AKR1C4: variants seen among roughly 807,000 people sequenced by gnomAD.
AKR1C4 encodes aldo-keto reductase family 1 member C4.
Under a neutral mutation model 41.0 loss-of-function variants are expected in AKR1C4, and 44 were observed. That is an observed-to-expected ratio of 1.07 (90% confidence interval 0.84 to 1.38). The LOEUF is 1.38. AKR1C4 is among the 40% of genes most tolerant of loss of function. The probability of loss-of-function intolerance (pLI) is 0.00; values close to 1 mark genes in which losing one functional copy is unlikely to be tolerated. For missense variants in AKR1C4, 438 were observed against 387.9 expected (o/e 1.13, Z -1.09); for synonymous variants, 165 against 137.7 (o/e 1.20, Z -1.39).
chr10:5,198,334 C>G (rs1395744624), intron 1 of AKR1C4, among the ~76,000 whole-genome samples: 2 of 152,124 alleles, frequency 1.3e-5, no homozygotes, highest in Admixed American at 1.3e-4. Flanking sequence ...CGCCTGTTTT[C>G]AAAGTTGGAG....
intron 5 of AKR1C4, among the ~76,000 whole-genome samples, chr10:5,210,811 C>T (rs1051359940): frequency 6.6e-6 from 1 of 152,304 alleles, no homozygotes; most frequent in East Asian, 1.9e-4. Context: ...AGGGTTTCAC[C>T]ATGTTGGTCA....
intron 5 of AKR1C4, among the ~76,000 whole-genome samples, chr10:5,209,789 C>T (rs782426650): frequency 1.6e-4 from 25 of 152,170 alleles, no homozygotes; most frequent in South Asian, 6.2e-4. Context: ...CCCACCAGGT[C>T]CCTCCCACAA....
At chr10:5,214,517 TGAGACTTCC>T (rs1832626064) in intron 7 of AKR1C4, among the ~76,000 whole-genome samples, 1 of 152,214 alleles carries the variant, frequency 6.6e-6, no homozygotes, top group Non-Finnish European at 1.5e-5. Context: ...GAGAACTGAT[TGAGACTTCC>T]AGTTTACGAC....
intron 2 of AKR1C4, among the ~76,000 whole-genome samples, chr10:5,203,990 C>T (rs1832443799): frequency 6.6e-6 from 1 of 152,116 alleles, no homozygotes; most frequent in Non-Finnish European, 1.5e-5. Context: ...TGAATGATTG[C>T]TCAACACATG....
At chr10:5,218,029 G>A (rs1448874264) in intron 8 of AKR1C4, among the ~76,000 whole-genome samples, 2 of 152,100 alleles carry the variant, frequency 1.3e-5, no homozygotes, top group Non-Finnish European at 2.9e-5. Flanking sequence ...TAGTTTAGAG[G>A]AAAATAGTAA....
chr10:5,216,194 G>A (rs921115471), intron 7 of AKR1C4, among the ~76,000 whole-genome samples: 1 of 152,310 alleles, frequency 6.6e-6, no homozygotes, highest in South Asian at 2.1e-4. Context: ...TTTTAAACCA[G>A]ATTTCATGTG....
intron 2 of AKR1C4, among the ~76,000 whole-genome samples, chr10:5,201,865 G>T (rs1175858615): frequency 6.6e-6 from 1 of 152,044 alleles, no homozygotes; most frequent in Non-Finnish European, 1.5e-5. Flanking sequence ...ATTGAATAGG[G>T]TTATTTTCCC....
chr10:5,202,900 C>T (rs1456849799), intron 2 of AKR1C4, among the ~76,000 whole-genome samples: 2 of 147,464 alleles, frequency 1.4e-5, no homozygotes, highest in Non-Finnish European at 3.0e-5. Flanking sequence ...AGGATTTTTA[C>T]ATCTGTATTC....
Position 5,204,640 on chromosome 10 carries a change from G to A in AKR1C4, c.369+147G>A, listed in dbSNP as rs782231900. ...ATAATGCCTAAGCCATTTTCTTGAA[G>A]AGTACAACCTTCCTTCTGTAACGTA... On this transcript the variant is annotated intron_variant, in intron 3 of 8. Coordinates refer to ENST00000263126, the MANE Select transcript of AKR1C4 (RefSeq NM_001818.5). 6.5e-6 allele frequency: 5 copies of A among 773,506 alleles called. No individual in the cohort carries two copies. The Admixed American group carries it at 6.8e-5, about 11-fold the overall frequency. 47.9% of individuals were successfully genotyped at this position (773,506 alleles called of 1,614,324 possible). A position where few individuals can be genotyped will look rare whatever the true frequency, so the allele number is the denominator to read the frequency against.
intron 4 of AKR1C4, 145 bp from the exon 5 acceptor site, chr10:5,206,130 T>C: frequency 1.4e-6 from 2 of 1,401,420 alleles, no homozygotes; most frequent in South Asian, 2.9e-5. Flanking sequence ...ATCCTTTTGT[T>C]ATCTGTTGTA....
intron 8 of AKR1C4, among the ~76,000 whole-genome samples, chr10:5,217,360 T>A (rs535182538): frequency 3.9e-5 from 6 of 152,344 alleles, no homozygotes; most frequent in African/African-American, 1.4e-4. Flanking sequence ...GCATTTTGCC[T>A]CCAGGAAGTT....
chr10:5,205,831 G>A lies in AKR1C4; in HGVS notation c.444G>A (p.Trp148Ter). The change falls in exon 4 of 9, where the codon TGG becomes TGA. Residue 148 changes from tryptophan (W) to a stop codon, truncating the protein, a stop_gained. Coordinates refer to ENST00000263126, the MANE Select transcript of AKR1C4 (RefSeq NM_001818.5). LOFTEE classifies it high-confidence loss of function. ...IFDTVDLSATWEVMEKCKDAG... is the reference protein window; with the variant it reads ...IFDTVDLSAT ...ACACAGTGGATCTCTCTGCCACATGGGAGGTGAGTGCTTGGAGGACAGAGT... is the reference window on the plus strand; with the variant it reads ...ACACAGTGGATCTCTCTGCCACATGAGAGGTGAGTGCTTGGAGGACAGAGT... 6.2e-7 allele frequency: 1 copy of A among 1,612,662 alleles called. No homozygotes were observed.
At chr10:5,212,558 T>G in intron 5 of AKR1C4, 58 bp from the exon 6 acceptor site, 7 of 1,426,842 alleles carry the variant, frequency 4.9e-6, no homozygotes, top group Non-Finnish European at 4.8e-6. Flanking sequence ...ATTTTAATCT[T>G]TATATTAACA....
Position 5,213,143 on chromosome 10 carries a change from T to A in AKR1C4, c.830T>A (p.Ile277Asn). 1 of 1,613,696 alleles carries A rather than the reference T, an allele frequency of 6.2e-7. No individual in the cohort carries two copies. The highest frequency in any genetic ancestry group is 8.5e-7 in the Non-Finnish European group (1 of 1,180,002). ...VLAKSYNEQR[I>N]RENIQVFEFQ... ...GCCAAGAGCTACAATGAGCAGCGGATCAGAGAGAACATCCAGGTGAGGAGT... is the reference window on the plus strand; with the variant it reads ...GCCAAGAGCTACAATGAGCAGCGGAACAGAGAGAACATCCAGGTGAGGAGT... Residue 277 changes from isoleucine (I) to asparagine (N), a missense_variant, in exon 7 of 9, where the codon ATC becomes AAC. Physicochemically the swap from Ile to Asn is moderately radical, Grantham distance 149. Coordinates refer to ENST00000263126, the MANE Select transcript of AKR1C4 (RefSeq NM_001818.5).
intron 7 of AKR1C4, among the ~76,000 whole-genome samples, chr10:5,213,663 A>C (rs1181760200): frequency 2.6e-5 from 4 of 152,212 alleles, no homozygotes; most frequent in African/African-American, 9.6e-5. Flanking sequence ...CTCAACATAG[A>C]GGTTTAATAC....
chr10:5,211,200 T>G (rs1214727000), intron 5 of AKR1C4, among the ~76,000 whole-genome samples: 1 of 152,208 alleles, frequency 6.6e-6, no homozygotes, highest in Admixed American at 6.5e-5. Flanking sequence ...GGAGACATTT[T>G]CCCCATTGTC....
At chr10:5,202,939 TTGTGTGTGTGTGTGTGTGTG>T (rs57414547) in intron 2 of AKR1C4, among the ~76,000 whole-genome samples, 5 of 139,188 alleles carry the variant, frequency 3.6e-5, no homozygotes, top group Non-Finnish European at 6.2e-5. Flanking sequence ...TAGTTTTCTT[TTGTGTGTGTGTGTGTGTGTG>T]TGTGTGTGTG....
chr10:5,213,303 T>A, intron 7 of AKR1C4, 144 bp downstream of exon 7: 3 of 1,358,714 alleles, frequency 2.2e-6, no homozygotes, highest in Non-Finnish European at 2.9e-6. Flanking sequence ...AAGTGTTTTC[T>A]ACTCTACCAC....
chr10:5,217,864 G>T (rs1480568093), intron 8 of AKR1C4, among the ~76,000 whole-genome samples: 13 of 152,208 alleles, frequency 8.5e-5, no homozygotes, highest in African/African-American at 3.1e-4. Flanking sequence ...AAGGTTCTAG[G>T]ATTCACAGAA....
Sources: allele counts gnomAD v4.1 joint callset (sites outside exome capture counted in the v4.1 genomes callset), GRCh38; gene constraint gnomAD v4.1.1; transcripts MANE v1.5; gene names NCBI Gene and HGNC (gene_info 2026-07-23, HGNC 2026-07-21).